The following HERC2 variants were observed in gnomAD, a reference collection of about 807,000 sequenced individuals.
The protein encoded by HERC2 is E3 ubiquitin-protein ligase HERC2.
HERC2 carries 102 observed loss-of-function variants against 537.7 expected under a neutral mutation model. The ratio of observed to expected loss-of-function variants is 0.19; its 90% confidence interval spans 0.16 to 0.22. The LOEUF is 0.22. HERC2 is among the 10% of genes least tolerant of loss of function. HERC2 has a pLI of 1.00. For missense variants in HERC2, 4,236 were observed against 6,198.2 expected, an observed-to-expected ratio of 0.68 and a Z score of 10.63; for synonymous variants, 2,224 against 2,466.2, an observed-to-expected ratio of 0.90 and a Z score of 2.91.
intron 69 of HERC2, among the ~76,000 whole-genome samples, chr15:28,158,436 G>T (rs1893235214): frequency 1.3e-5 from 2 of 152,142 alleles, no homozygotes; most frequent in Non-Finnish European, 2.9e-5. Context: ...TGGGTGCATA[G>T]ATATTTAGGA....
At chr15:28,190,018 T>A (rs1299211913) in intron 55 of HERC2, among the ~76,000 whole-genome samples, 1 of 150,480 alleles carries the variant, frequency 6.6e-6, no homozygotes, top group Non-Finnish European at 1.5e-5. Flanking sequence ...TTTCTTTTTT[T>A]TTTTTTTGAG....
At chr15:28,159,624 GCCATTCGTCT>G (rs1423024009) in intron 69 of HERC2, among the ~76,000 whole-genome samples, 1 of 152,054 alleles carries the variant, frequency 6.6e-6, no homozygotes, top group Non-Finnish European at 1.5e-5. Context: ...ATTCTAGTTA[GCCATTCGTCT>G]AATCTTTTTT....
chr15:28,284,919 G>GGAA (rs2076114850), intron 4 of HERC2, among the ~76,000 whole-genome samples: 7 of 32,544 alleles, frequency 2.2e-4, no homozygotes, highest in African/African-American at 5.9e-4. Flanking sequence ...CTCCGTCTCG[G>GGAA]AAAAAAAAAA....
chr15:28,127,490 T>A (rs1358114234), intron 83 of HERC2, among the ~76,000 whole-genome samples: 1 of 152,228 alleles, frequency 6.6e-6, no homozygotes, highest in Non-Finnish European at 1.5e-5. Flanking sequence ...ACTCACAGTT[T>A]TCAACAGACA....
chr15:28,211,063 C>G lies in HERC2; in HGVS notation c.7008G>C (p.Gln2336His). The G allele has an allele frequency of 6.2e-7, 1 of 1,611,860 alleles. No individual in the cohort carries two copies. Among genetic ancestry groups the G allele is most frequent in the Non-Finnish European group, 8.5e-7 (1 of 1,179,746 alleles). ...LKAGRALLSH[Q>H]DKLRQILSQP... ...GAGACAGGATCTGCCGCAGTTTATC[C>G]TGGTGGGAGAGCAGCGCCCGACCTG... Residue 2336 changes from glutamine (Q) to histidine (H), a missense_variant, in exon 44 of 93, where the codon CAG (glutamine) becomes CAC (histidine). By Grantham distance (24) the Gln-to-His change is conservative. This residue lies in a region of HERC2 where 67 missense variants were observed against 140.1 expected (regional missense o/e 0.48). Transcript: ENST00000261609.
At chr15:28,243,680 T>C (rs757021937) in intron 23 of HERC2, among the ~76,000 whole-genome samples, 6 of 152,114 alleles carry the variant, frequency 3.9e-5, no homozygotes, top group Non-Finnish European at 7.4e-5. Flanking sequence ...CACAATGAGA[T>C]ACCAGTGTAC....
At position 28,196,483 on chromosome 15, in the gene HERC2, G is replaced by T; in HGVS notation, c.8098C>A (p.Pro2700Thr). The T allele has an allele frequency of 6.2e-7, 1 of 1,612,864 alleles. No individual in the cohort carries two copies. The highest frequency in any genetic ancestry group is 8.5e-7 in the Non-Finnish European group (1 of 1,178,964). Residue 2700 changes from proline (P) to threonine (T), a missense_variant, in exon 51 of 93, where the codon CCC (proline) becomes ACC (threonine). Pro to Thr is a conservative substitution (Grantham distance 38). Coordinates refer to ENST00000261609, the MANE Select transcript of HERC2 (RefSeq NM_004667.6). ...TGLLSEMELVPSIHPGVTCDG... is the reference protein window; with the variant it reads ...TGLLSEMELVTSIHPGVTCDG... Reference sequence around the variant, plus strand: ...CACGTAACCCCAGGATGAATACTGGGTACCAACTCCATTTCTGATAGCAAC... The same window carrying T: ...CACGTAACCCCAGGATGAATACTGGTTACCAACTCCATTTCTGATAGCAAC...
At chr15:28,252,299 C>G (rs2075109279) in intron 20 of HERC2, among the ~76,000 whole-genome samples, 1 of 151,884 alleles carries the variant, frequency 6.6e-6, no homozygotes, top group Non-Finnish European at 1.5e-5. Flanking sequence ...CGGGAACATT[C>G]TGGGCAAGCA....
At chr15:28,173,210 C>G (rs1350481979) in intron 65 of HERC2, among the ~76,000 whole-genome samples, 4 of 152,212 alleles carry the variant, frequency 2.6e-5, no homozygotes, top group African/African-American at 9.6e-5. Context: ...CCATCCACTC[C>G]TCTCCTAGGA....
intron 35 of HERC2, among the ~76,000 whole-genome samples, chr15:28,224,480 C>T (rs1173775452): frequency 1.3e-5 from 2 of 152,254 alleles, no homozygotes; most frequent in East Asian, 3.9e-4. Context: ...CCTCAGCCGC[C>T]CAAAGTGCTA....
chr15:28,212,319 CA>C, intron 43 of HERC2, 125 bp downstream of exon 43: 2 of 712,664 alleles, frequency 2.8e-6, no homozygotes, highest in South Asian at 3.3e-5. Flanking sequence ...CGCAACTCAA[CA>C]AATGGTGAGC....
chr15:28,239,603 C>T (rs1423248145), intron 23 of HERC2, among the ~76,000 whole-genome samples: 1 of 146,070 alleles, frequency 6.8e-6, no homozygotes, highest in South Asian at 2.3e-4. Flanking sequence ...CGGGGAGCCA[C>T]CGAGCATTAC....
chr15:28,151,043 G>A (rs7496228), intron 70 of HERC2, among the ~76,000 whole-genome samples: 1 of 152,142 alleles, frequency 6.6e-6, no homozygotes, highest in East Asian at 1.9e-4. Flanking sequence ...TTATGCTCTT[G>A]TAGATGCAGT....
Position 28,246,727 on chromosome 15 carries a change from G to C in HERC2, c.3391+15C>G, listed in dbSNP as rs1903747709. On this transcript the variant is annotated intron_variant, in intron 22 of 92. Transcript: ENST00000261609. ...CCTAAAATAAACATGTACACAAGCA[G>C]GAAACAAAAGGTACCAGTAAAGTCC... The C allele has an allele frequency of 6.5e-7, 1 of 1,544,360 alleles. No individual in the cohort carries two copies. Among genetic ancestry groups the C allele is most frequent in the Non-Finnish European group, 8.7e-7 (1 of 1,148,358 alleles).
intron 35 of HERC2, among the ~76,000 whole-genome samples, chr15:28,227,511 G>A (rs1197932091): frequency 1.3e-5 from 2 of 149,936 alleles, no homozygotes; most frequent in African/African-American, 4.9e-5. Context: ...CAGGGAAGCA[G>A]AGAAACTGGA....
At chr15:28,306,368 A>C (rs1009148100) in intron 2 of HERC2, among the ~76,000 whole-genome samples, 5 of 152,236 alleles carry the variant, frequency 3.3e-5, no homozygotes, top group African/African-American at 1.2e-4. Flanking sequence ...ATGATGTATC[A>C]AACTGATTGA....
chr15:28,232,789 T>C (rs1435141101), intron 30 of HERC2, among the ~76,000 whole-genome samples: 2 of 152,244 alleles, frequency 1.3e-5, no homozygotes, highest in Non-Finnish European at 2.9e-5. Context: ...AACATTTCTT[T>C]AGAAGAATGG....
At chr15:28,166,175 G>A in intron 68 of HERC2, among the ~76,000 whole-genome samples, 1 of 152,266 alleles carries the variant, frequency 6.6e-6, no homozygotes, top group East Asian at 1.9e-4. Context: ...CTCAATCTAT[G>A]AAGCCAATAT....
At chr15:28,155,613 G>GT (rs931239359) in intron 69 of HERC2, among the ~76,000 whole-genome samples, 1 of 143,724 alleles carries the variant, frequency 7.0e-6, no homozygotes, top group Non-Finnish European at 1.5e-5. Context: ...TGATGGGGTT[G>GT]TTTTTTTCTT....
Sources: gnomAD v4.1 joint callset for allele counts (sites outside exome capture counted in the v4.1 genomes callset) on GRCh38, gnomAD v4.1.1 for gene constraint, gnomAD v4.1.1 regional missense constraint, MANE v1.5 for transcripts, NCBI Gene and HGNC (gene_info 2026-07-23, HGNC 2026-07-21) for gene names.